The following RALYL variants were observed in gnomAD, a reference collection of about 807,000 sequenced individuals.
The protein encoded by RALYL is RNA-binding Raly-like protein.
Under a neutral mutation model 35.1 loss-of-function variants are expected in RALYL, and 29 were observed. That is an observed-to-expected ratio of 0.83 (90% CI 0.61 to 1.13). The LOEUF is 1.13. RALYL is among the 50% of genes most tolerant of loss of function. The pLI, the probability that RALYL is intolerant of heterozygous loss-of-function variation, is 0.00. For synonymous variants in RALYL, 120 were observed against 127.6 expected (o/e 0.94, Z 0.40); for missense variants, 359 against 360.4 (o/e 1.00, Z 0.03).
chr8:84,358,417 T>C (rs984819995), intron 1 of RALYL, among the ~76,000 whole-genome samples: 3 of 152,010 alleles, frequency 2.0e-5, no homozygotes, highest in African/African-American at 4.8e-5. Flanking sequence ...TGTGTGCACA[T>C]GCAATAAAAC....
intron 2 of RALYL, among the ~76,000 whole-genome samples, chr8:84,535,882 G>A (rs1483208082): frequency 2.0e-5 from 3 of 152,062 alleles, no homozygotes; most frequent in African/African-American, 4.8e-5. Flanking sequence ...AATCACTCCA[G>A]TTAAGAATTA....
At chr8:84,393,399 C>T (rs1861131281) in intron 1 of RALYL, among the ~76,000 whole-genome samples, 1 of 152,030 alleles carries the variant, frequency 6.6e-6, no homozygotes, top group Admixed American at 6.6e-5. Flanking sequence ...TCAAAGAGTG[C>T]AGGCTGAAAA....
At chr8:84,859,191 T>C (rs992542003) in intron 5 of RALYL, among the ~76,000 whole-genome samples, 4 of 152,032 alleles carry the variant, frequency 2.6e-5, no homozygotes, top group African/African-American at 7.2e-5. Context: ...ACACCCTATG[T>C]ATATTAAGTA....
rs150003347 is a variant in RALYL at position 84,585,179 on chromosome 8, T to C, written c.256+55602T>C. Among the ~76,000 whole-genome samples, 787 of 152,288 alleles carry C rather than the reference T, an allele frequency of 5.2e-3. 4 individuals are homozygous for C. Among genetic ancestry groups the C allele is most frequent in the South Asian group, 0.022 (107 of 4,832 alleles). ...ATTAAGTAATTTAGATCTCTCACTT[T>C]CCTTTTAAGTGTCAGGTATTGATCT... is the stretch of plus-strand genomic sequence containing the variant. On this transcript the variant is annotated intron_variant, in intron 2 of 8. Transcript: ENST00000521268.
At chr8:84,210,749 T>C (rs942573756) in intron 1 of RALYL, among the ~76,000 whole-genome samples, 2 of 152,126 alleles carry the variant, frequency 1.3e-5, no homozygotes, top group African/African-American at 2.4e-5. Context: ...ACTTAATTTT[T>C]CAGCAAGGCT....
chr8:84,874,525 GA>G (rs770149603), intron 7 of RALYL, among the ~76,000 whole-genome samples: 2 of 152,120 alleles, frequency 1.3e-5, no homozygotes, highest in Non-Finnish European at 2.9e-5. Context: ...CTATCTGGGT[GA>G]CACCTAAATG....
intron 8 of RALYL, among the ~76,000 whole-genome samples, chr8:84,917,713 A>G (rs1000363978): frequency 1.8e-4 from 27 of 151,804 alleles, no homozygotes; most frequent in African/African-American, 6.3e-4. Context: ...AGTTTCCTCC[A>G]TTGGTAGTTA....
At chr8:84,530,110 A>G (rs187232222) in intron 2 of RALYL, among the ~76,000 whole-genome samples, 3 of 152,196 alleles carry the variant, frequency 2.0e-5, no homozygotes, top group Admixed American at 2.0e-4. Context: ...ATGCATAATA[A>G]TCAGATTTCT....
chr8:84,331,499 A>G (rs554886394), intron 1 of RALYL, among the ~76,000 whole-genome samples: 120 of 152,222 alleles, frequency 7.9e-4, no homozygotes, highest in African/African-American at 2.8e-3. Flanking sequence ...CTTGGATGCC[A>G]CATCTTTCTT....
intron 2 of RALYL, among the ~76,000 whole-genome samples, chr8:84,665,022 GTTTT>G (rs988443633): frequency 6.6e-6 from 1 of 152,110 alleles, no homozygotes; most frequent in South Asian, 2.1e-4. Flanking sequence ...TTTACTAAGA[GTTTT>G]TAACATGAAG....
intron 1 of RALYL, among the ~76,000 whole-genome samples, chr8:84,442,810 A>C (rs968834031): frequency 1.4e-4 from 22 of 152,160 alleles, no homozygotes; most frequent in Admixed American, 5.9e-4. Context: ...CAGACGTACC[A>C]ATCTACCTGC....
intron 1 of RALYL, among the ~76,000 whole-genome samples, chr8:84,382,242 A>C (rs1034170968): frequency 7.3e-5 from 11 of 151,370 alleles, no homozygotes; most frequent in Non-Finnish European, 3.0e-5. Context: ...AAAAAAAAAA[A>C]AAAACTGCAG....
chr8:84,812,073 C>T (rs933393560), intron 4 of RALYL, among the ~76,000 whole-genome samples: 1 of 152,032 alleles, frequency 6.6e-6, no homozygotes, highest in African/African-American at 2.4e-5. Flanking sequence ...GTTTAAGAGC[C>T]TGTTTTGTCA....
intron 2 of RALYL, among the ~76,000 whole-genome samples, chr8:84,637,606 G>A (rs1209552317): frequency 6.6e-6 from 1 of 151,832 alleles, no homozygotes; most frequent in Non-Finnish European, 1.5e-5. Context: ...TGGAGAGAGG[G>A]GCTTTAAAGG....
chr8:84,251,758 T>C (rs1210379060), intron 1 of RALYL, among the ~76,000 whole-genome samples: 6 of 152,110 alleles, frequency 3.9e-5, no homozygotes, highest in Non-Finnish European at 5.9e-5. Context: ...TAGGCTGTTA[T>C]ATTTGCTGTT....
chr8:84,575,678 G>A (rs139009309), intron 2 of RALYL, among the ~76,000 whole-genome samples: 5 of 152,200 alleles, frequency 3.3e-5, no homozygotes, highest in South Asian at 2.1e-4. Context: ...TAAGCATGTC[G>A]AACTAATGGG....
At chr8:84,920,009 A>G (rs1161527950) in intron 8 of RALYL, among the ~76,000 whole-genome samples, 1 of 152,088 alleles carries the variant, frequency 6.6e-6, no homozygotes, top group Non-Finnish European at 1.5e-5. Context: ...AGTCTTTTTC[A>G]TAATCTTTGT....
chr8:84,424,992 G>T (rs1563904970), intron 1 of RALYL, among the ~76,000 whole-genome samples: 1 of 152,112 alleles, frequency 6.6e-6, no homozygotes. Context: ...AGAGGTTACT[G>T]CTGTCTTTTT....
chr8:84,820,737 T>C (rs930645943), intron 4 of RALYL, among the ~76,000 whole-genome samples: 2 of 152,094 alleles, frequency 1.3e-5, no homozygotes, highest in African/African-American at 2.4e-5. Context: ...TGGTGTGTGA[T>C]GTTCCCCTCC....
Sources: gnomAD v4.1 joint callset for allele counts (sites outside exome capture counted in the v4.1 genomes callset) on GRCh38, gnomAD v4.1.1 for gene constraint, MANE v1.5 for transcripts, NCBI Gene and HGNC (gene_info 2026-07-23, HGNC 2026-07-21) for gene names.